The following PTPRD variants were observed in gnomAD, a reference collection of about 807,000 sequenced individuals.
PTPRD encodes the protein protein tyrosine phosphatase receptor type D.
A neutral mutation model predicts 214.5 loss-of-function variants in PTPRD; 34 were observed. That is an observed-to-expected ratio of 0.16 (90% CI 0.12 to 0.21). The LOEUF is 0.21. PTPRD is among the 10% of genes least tolerant of loss of function. The probability of loss-of-function intolerance (pLI) is 1.00; values close to 1 mark genes in which losing one functional copy is unlikely to be tolerated. For synonymous variants in PTPRD, 1,128 were observed against 845.7 expected (o/e 1.33, Z -5.79); for missense variants, 2,545 against 2,398.7 (o/e 1.06, Z -1.27).
At chr9:10,356,455 AC>A (rs754747271) in intron 2 of PTPRD, among the ~76,000 whole-genome samples, 4 of 152,176 alleles carry the variant, frequency 2.6e-5, no homozygotes, top group Admixed American at 1.3e-4. Flanking sequence ...AGGGTTGTAT[AC>A]TTTTAAAATT....
rs190461977 is a variant in PTPRD, at chr9:8,550,755, T to C, written c.353-21976A>G. 3.0e-3 allele frequency among the ~76,000 whole-genome samples: 457 copies of C among 152,334 alleles called. 2 individuals are homozygous for C. Among genetic ancestry groups the C allele is most frequent in the African/African-American group, 9.4e-3 (389 of 41,584 alleles). On this transcript the variant is annotated intron_variant, in intron 14 of 45. Transcript: ENST00000381196. The stretch of plus-strand genomic sequence containing the variant: ...TTTCTTAATAGATCCATTGGCCCTA[T>C]AGTCTACAGCTTTAACTATGAGAAC...
intron 21 of PTPRD, among the ~76,000 whole-genome samples, 189 bp from the exon 22 acceptor site, chr9:8,507,623 G>A (rs2137524831): frequency 6.6e-6 from 1 of 152,272 alleles, no homozygotes; most frequent in South Asian, 2.1e-4. Flanking sequence ...TATAAATCCT[G>A]CTCTGGAGTA....
At chr9:10,445,963 A>C (rs952675204) in intron 2 of PTPRD, among the ~76,000 whole-genome samples, 1 of 152,060 alleles carries the variant, frequency 6.6e-6, no homozygotes, top group Non-Finnish European at 1.5e-5. Context: ...CAGGTAAACC[A>C]AAATGTGTGT....
intron 2 of PTPRD, among the ~76,000 whole-genome samples, chr9:10,511,336 A>G (rs1230502510): frequency 1.3e-5 from 2 of 151,998 alleles, no homozygotes; most frequent in Non-Finnish European, 2.9e-5. Flanking sequence ...GTTACTAGAA[A>G]CTGCCAAATT....
intron 35 of PTPRD, among the ~76,000 whole-genome samples, chr9:8,425,886 CT>C (rs1267925511): frequency 1.3e-5 from 2 of 151,868 alleles, no homozygotes; most frequent in Admixed American, 6.6e-5. Context: ...GTGAAAATAC[CT>C]TTTTTTGATA....
At chr9:8,906,615 G>T (rs559107234) in intron 11 of PTPRD, among the ~76,000 whole-genome samples, 1 of 152,230 alleles carries the variant, frequency 6.6e-6, no homozygotes, top group African/African-American at 2.4e-5. Context: ...CTTGTAAAAA[G>T]TGCTGAAATT....
chr9:10,145,993 T>C (rs2099019797), intron 3 of PTPRD, among the ~76,000 whole-genome samples: 1 of 152,024 alleles, frequency 6.6e-6, no homozygotes, highest in Non-Finnish European at 1.5e-5. Context: ...AACTTCAATA[T>C]CAAATATTCT....
rs369967119 is a variant in PTPRD, at chr9:9,492,381, G to C, written c.-237+82351C>G. Among the ~76,000 whole-genome samples, 451 of 147,614 alleles carry C rather than the reference G, an allele frequency of 3.1e-3. 1 individual carries two copies. The highest frequency in any genetic ancestry group is 9.6e-3 in the African/African-American group (390 of 40,514). ...TCCAACTTTTCCCTAAAAATGAAGA[G>C]GAAAAAACACTTCTTAATTCATTCA... On this transcript the variant is annotated intron_variant, in intron 8 of 45. Transcript: ENST00000381196.
chr9:10,500,414 T>G (rs1410077403), intron 2 of PTPRD, among the ~76,000 whole-genome samples: 1 of 151,948 alleles, frequency 6.6e-6, no homozygotes, highest in Non-Finnish European at 1.5e-5. Flanking sequence ...TTGTTAATTT[T>G]TAATTTTTGT....
rs190926500 is a variant in PTPRD at position 10,049,850 on chromosome 9, C to A, written c.-544-16060G>T. Among the ~76,000 whole-genome samples the A allele has an allele frequency of 2.6e-3, 395 of 152,292 alleles. 1 individual carries two copies. The highest frequency in any genetic ancestry group is 9.0e-3 in the African/African-American group (372 of 41,564). On this transcript the variant is annotated intron_variant, in intron 3 of 45. Transcript: ENST00000381196. ...CTTATCTAAAATAGCAAAACATTTA[C>A]ACCTGACAAGGGACTTTGGTGTGAG...
chr9:9,217,476 T>C (rs144981505), intron 9 of PTPRD, among the ~76,000 whole-genome samples: 92 of 152,286 alleles, frequency 6.0e-4, no homozygotes, highest in African/African-American at 2.2e-3. Flanking sequence ...CATTATGTCC[T>C]CTTCTTTGAC....
rs541432728 is a variant in PTPRD, at chr9:8,338,090, G to A, written c.5379+832C>T. Among the ~76,000 whole-genome samples, 6 of 152,174 alleles carry A rather than the reference G, an allele frequency of 3.9e-5. No homozygotes were observed. In the South Asian group the frequency reaches 1.2e-3, roughly 32 times the overall value. On this transcript the variant is annotated intron_variant, in intron 43 of 45. Transcript: ENST00000381196. ...ATTAGCAGACAATCTCCAAACCTAA[G>A]TTTGGAGAAAGCTGCTTTCCAGAAA...
chr9:9,108,942 G>A (rs188967905), intron 10 of PTPRD, among the ~76,000 whole-genome samples: 29 of 152,192 alleles, frequency 1.9e-4, no homozygotes, highest in African/African-American at 6.7e-4. Flanking sequence ...TTAGAGATAC[G>A]ACTGGCATCT....
rs188893155 is a variant in PTPRD, at chr9:9,297,294, A to T, written c.-203+100155T>A. 7.2e-5 allele frequency among the ~76,000 whole-genome samples: 11 copies of T among 151,834 alleles called. No individual in the cohort carries two copies. In the East Asian group the frequency reaches 2.1e-3, roughly 30 times the overall value. ...TTGTTTCTATTTTTCTGCAATCTTT[A>T]TAGGCCAGAAAATACAGAGACAGAG... On this transcript the variant is annotated intron_variant, in intron 9 of 45. Coordinates refer to ENST00000381196, the MANE Select transcript of PTPRD (RefSeq NM_002839.4).
At chr9:8,471,130 G>A in intron 30 of PTPRD, 45 bp from the exon 31 acceptor site, 3 of 1,522,756 alleles carry the variant, frequency 2.0e-6, no homozygotes, top group Non-Finnish European at 2.7e-6. Flanking sequence ...TTGAAAGGAG[G>A]AAAACGTGGA....
intron 10 of PTPRD, among the ~76,000 whole-genome samples, chr9:9,086,901 G>C (rs1322098233): frequency 6.6e-6 from 1 of 152,046 alleles, no homozygotes; most frequent in Non-Finnish European, 1.5e-5. Flanking sequence ...TAGTGTGTAG[G>C]TACCATACAA....
At chr9:10,210,799 A>AT (rs1295338807) in intron 3 of PTPRD, among the ~76,000 whole-genome samples, 3 of 84,998 alleles carry the variant, frequency 3.5e-5, no homozygotes, top group Non-Finnish European at 7.2e-5. Flanking sequence ...AAAACTTCAT[A>AT]TATATATATA....
chr9:10,031,641 T>TATATATATATATATATAC (rs2097073240), intron 4 of PTPRD, among the ~76,000 whole-genome samples: 1 of 74,176 alleles, frequency 1.3e-5, no homozygotes, highest in South Asian at 4.0e-4. Flanking sequence ...TATATATATA[T>TATATATATATATATATAC]ATATATACAC....
At chr9:10,305,441 G>GCTT (rs2096029295) in intron 3 of PTPRD, among the ~76,000 whole-genome samples, 2 of 148,012 alleles carry the variant, frequency 1.4e-5, no homozygotes, top group African/African-American at 5.0e-5. Flanking sequence ...AAACTAAAGA[G>GCTT]CTTCTGCACA....
Sources: gnomAD v4.1 joint callset for allele counts (sites outside exome capture counted in the v4.1 genomes callset) on GRCh38, gnomAD v4.1.1 for gene constraint, MANE v1.5 for transcripts, NCBI Gene and HGNC (gene_info 2026-07-23, HGNC 2026-07-21) for gene names.